WWOX: variants seen among roughly 807,000 people sequenced by gnomAD.
The protein encoded by WWOX is WW domain containing oxidoreductase, also known as WW domain-containing oxidoreductase.
In WWOX, 69 loss-of-function variants were observed where a neutral mutation model predicts 46.2. The ratio of observed to expected loss-of-function variants is 1.49; its 90% CI spans 1.23 to 1.82. WWOX has a LOEUF of 1.82. Ranked by LOEUF, WWOX falls within the 40% of genes most tolerant of loss-of-function variation. The pLI is 0.00. For missense variants in WWOX, 919 were observed against 542.6 expected, an observed-to-expected ratio of 1.69 and a Z score of -6.89; for synonymous variants, 359 against 202.6, an observed-to-expected ratio of 1.77 and a Z score of -6.56.
intron 8 of WWOX, among the ~76,000 whole-genome samples, chr16:78,532,359 C>G (rs939220641): frequency 2.6e-5 from 4 of 152,046 alleles, no homozygotes; most frequent in Admixed American, 2.6e-4. Flanking sequence ...TGGCTTTAGA[C>G]CAGCCACCCA....
intron 8 of WWOX, among the ~76,000 whole-genome samples, chr16:78,823,196 C>T (rs566539705): frequency 4.6e-4 from 70 of 152,322 alleles, no homozygotes; most frequent in African/African-American, 1.5e-3. Flanking sequence ...ATGGTGGAAA[C>T]GGTCACAGGG....
chr16:79,145,033 A>G (rs184247315), intron 8 of WWOX, among the ~76,000 whole-genome samples: 85 of 152,288 alleles, frequency 5.6e-4, no homozygotes, highest in African/African-American at 1.9e-3. Flanking sequence ...AGGCTACTGT[A>G]CATAAATTTG....
At chr16:78,985,433 G>A (rs968092428) in intron 8 of WWOX, among the ~76,000 whole-genome samples, 64 of 152,170 alleles carry the variant, frequency 4.2e-4, no homozygotes, top group Admixed American at 4.0e-3. Context: ...TCTCTGGCTA[G>A]TACAGATCTC....
chr16:78,730,449 T>A (rs540275167), intron 8 of WWOX, among the ~76,000 whole-genome samples: 36 of 151,956 alleles, frequency 2.4e-4, no homozygotes, highest in African/African-American at 8.2e-4. Context: ...CCAGGAGAAA[T>A]ACATCTTTTG....
At chr16:78,953,856 T>C (rs183163818) in intron 8 of WWOX, among the ~76,000 whole-genome samples, 1 of 152,236 alleles carries the variant, frequency 6.6e-6, no homozygotes, top group Non-Finnish European at 1.5e-5. Context: ...TGTAGCATTT[T>C]TGGGCTTTGA....
chr16:78,707,063 C>T (rs771489889), intron 8 of WWOX, among the ~76,000 whole-genome samples: 5 of 152,268 alleles, frequency 3.3e-5, no homozygotes, highest in South Asian at 4.1e-4. Flanking sequence ...AGAACGTATT[C>T]CCCTTCAAGG....
Position 78,969,344 on chromosome 16 carries a change from A to G in WWOX, c.1057-242264A>G, listed in dbSNP as rs113439268. Among the ~76,000 whole-genome samples the G allele has an allele frequency of 2.6e-3, 392 of 149,248 alleles. 3 individuals are homozygous for G. Among genetic ancestry groups the G allele is most frequent in the African/African-American group, 9.1e-3 (368 of 40,444 alleles). On this transcript the variant is annotated intron_variant, in intron 8 of 8. Transcript: ENST00000566780. ...GAATACAATGGTGCTATCTTGGCCC[A>G]CTGCACCCTCCATCTCCCTGGTTCA... is the stretch of plus-strand genomic sequence containing the variant.
intron 5 of WWOX, among the ~76,000 whole-genome samples, chr16:78,372,514 A>C (rs2081716584): frequency 6.6e-6 from 1 of 152,190 alleles, no homozygotes; most frequent in Admixed American, 6.5e-5. Flanking sequence ...TTGTAGTAAG[A>C]GAGCATTCTT....
At chr16:78,542,957 A>T (rs1189000698) in intron 8 of WWOX, among the ~76,000 whole-genome samples, 1 of 152,226 alleles carries the variant, frequency 6.6e-6, no homozygotes, top group Non-Finnish European at 1.5e-5. Context: ...GGAGGAGAGT[A>T]GAAGCAGAAT....
intron 8 of WWOX, among the ~76,000 whole-genome samples, chr16:78,576,759 A>C (rs1263123496): frequency 6.6e-6 from 1 of 152,192 alleles, no homozygotes; most frequent in Non-Finnish European, 1.5e-5. Context: ...TAAGCCCAGA[A>C]GATTCAGACT....
intron 6 of WWOX, among the ~76,000 whole-genome samples, chr16:78,424,130 T>G (rs1178744999): frequency 1.4e-5 from 2 of 147,102 alleles, no homozygotes; most frequent in African/African-American, 2.5e-5. Context: ...GTTTTTTTTT[T>G]TTTTGGAGAT....
intron 8 of WWOX, among the ~76,000 whole-genome samples, chr16:79,074,423 T>TTTTTTTTTTTTTTTTTTTTTTTTTG: frequency 7.8e-6 from 1 of 128,292 alleles, no homozygotes; most frequent in East Asian, 2.2e-4. Flanking sequence ...TTTTTTTTTT[T>TTTTTTTTTTTTTTTTTTTTTTTTTG]TTTTTTTTTT....
At chr16:78,799,743 G>A (rs186511451) in intron 8 of WWOX, among the ~76,000 whole-genome samples, 111 of 152,264 alleles carry the variant, frequency 7.3e-4, no homozygotes, top group African/African-American at 2.2e-3. Context: ...GTACACAAAT[G>A]GAGAGAGGGG....
chr16:78,639,206 C>A (rs1175125446), intron 8 of WWOX, among the ~76,000 whole-genome samples: 1 of 152,180 alleles, frequency 6.6e-6, no homozygotes, highest in Non-Finnish European at 1.5e-5. Flanking sequence ...CAAAGTACTT[C>A]TGCATGTGCG....
chr16:78,865,102 A>C (rs1400535887), intron 8 of WWOX, among the ~76,000 whole-genome samples: 2 of 152,108 alleles, frequency 1.3e-5, no homozygotes, highest in Non-Finnish European at 2.9e-5. Flanking sequence ...TTAATATGTT[A>C]AACACCCTTA....
intron 8 of WWOX, among the ~76,000 whole-genome samples, chr16:78,593,661 C>G (rs574388501): frequency 3.3e-5 from 5 of 151,884 alleles, no homozygotes; most frequent in African/African-American, 4.8e-5. Flanking sequence ...CACAGCTAAG[C>G]TGGTGATCCT....
At chr16:78,935,523 G>A (rs1053780942) in intron 8 of WWOX, among the ~76,000 whole-genome samples, 2 of 150,886 alleles carry the variant, frequency 1.3e-5, no homozygotes, top group African/African-American at 4.9e-5. Context: ...ACCAAACACT[G>A]CATGTTCTCA....
At chr16:79,119,463 C>T (rs187450390) in intron 8 of WWOX, among the ~76,000 whole-genome samples, 27 of 152,280 alleles carry the variant, frequency 1.8e-4, no homozygotes, top group Admixed American at 4.6e-4. Context: ...GTGCCATCCG[C>T]GCTCCATGAG....
intron 8 of WWOX, among the ~76,000 whole-genome samples, chr16:78,533,664 T>C (rs763836313): frequency 2.6e-5 from 4 of 152,192 alleles, no homozygotes; most frequent in African/African-American, 9.7e-5. Context: ...TCTTTGAAAG[T>C]TGTCCTTCTG....
Sources: allele counts gnomAD v4.1 joint callset (sites outside exome capture counted in the v4.1 genomes callset), GRCh38; gene constraint gnomAD v4.1.1; transcripts MANE v1.5; gene names NCBI Gene and HGNC (gene_info 2026-07-23, HGNC 2026-07-21).